COL11A1: variants seen among roughly 807,000 people sequenced by gnomAD.
COL11A1 encodes collagen alpha-1(XI) chain.
In COL11A1, 74 loss-of-function variants were observed where a neutral mutation model predicts 265.2. The ratio of observed to expected loss-of-function variants is 0.28; its 90% CI spans 0.23 to 0.34. The LOEUF (loss-of-function observed/expected upper bound fraction) is 0.34. Among genes scored for constraint, COL11A1 ranks in the 10% least tolerant of loss-of-function variants. The pLI is 1.00. For missense variants in COL11A1, 2,165 were observed against 2,263.6 expected (o/e 0.96, Z 0.88); for synonymous variants, 816 against 727.6 (o/e 1.12, Z -1.96).
chr1:103,032,355 T>G (rs1668054128), intron 4 of COL11A1, among the ~76,000 whole-genome samples: 1 of 152,148 alleles, frequency 6.6e-6, no homozygotes, highest in African/African-American at 2.4e-5. Context: ...TAATTCATTC[T>G]ACATTTATAC....
chr1:103,081,992 A>T lies in COL11A1; in HGVS notation c.274+813T>A, dbSNP rs78508098. ...ATCAATAGATAACTGGTATGTATCA[A>T]ATGGAGGCAAGCACAGTTAACAAGT... On this transcript the variant is annotated intron_variant, in intron 2 of 66. Transcript: ENST00000370096. Among the ~76,000 whole-genome samples the T allele has an allele frequency of 5.2e-3, 791 of 152,132 alleles. 2 individuals are homozygous for T. The highest frequency in any genetic ancestry group is 8.1e-3 in the Non-Finnish European group (551 of 67,896).
chr1:103,075,608 T>A (rs1571222428), intron 3 of COL11A1, among the ~76,000 whole-genome samples: 2 of 152,294 alleles, frequency 1.3e-5, no homozygotes, highest in East Asian at 3.9e-4. Flanking sequence ...ATGGTGGGTT[T>A]TATTAACAAT....
intron 15 of COL11A1, among the ~76,000 whole-genome samples, chr1:103,008,227 C>T (rs111972702): frequency 1.3e-5 from 2 of 152,078 alleles, no homozygotes; most frequent in Non-Finnish European, 2.9e-5. Flanking sequence ...GCTGCATTTT[C>T]CATCCTTTTA....
At chr1:102,939,003 A>C (rs768463438) in intron 44 of COL11A1, 32 bp downstream of exon 44, 48 of 1,596,050 alleles carry the variant, frequency 3.0e-5, no homozygotes, top group Non-Finnish European at 3.9e-5. Flanking sequence ...TTAAATAAAT[A>C]ATGTTCTCTC....
intron 41 of COL11A1, among the ~76,000 whole-genome samples, chr1:102,951,290 C>T (rs1405093767): frequency 6.6e-6 from 1 of 152,184 alleles, no homozygotes; most frequent in Non-Finnish European, 1.5e-5. Context: ...TAGTAAATAT[C>T]TCCATGTCTC....
chr1:102,924,940 A>T (rs1200684354), intron 46 of COL11A1, among the ~76,000 whole-genome samples: 1 of 151,930 alleles, frequency 6.6e-6, no homozygotes, highest in Non-Finnish European at 1.5e-5. Context: ...ATATTGTAGG[A>T]TTATGGATTT....
chr1:102,979,340 A>G (rs1662813334), intron 32 of COL11A1, 42 bp downstream of exon 32: 2 of 1,468,878 alleles, frequency 1.4e-6, no homozygotes, highest in African/African-American at 1.4e-5. Context: ...TCCAGCTAAG[A>G]ACACTTATAT....
intron 17 of COL11A1, 78 bp downstream of exon 17, chr1:103,005,990 A>G: frequency 6.2e-7 from 1 of 1,611,650 alleles, no homozygotes. Flanking sequence ...TCAGATTCAG[A>G]AAATGGATTT....
At chr1:102,920,652 A>G (rs1655880909) in intron 48 of COL11A1, among the ~76,000 whole-genome samples, 1 of 152,178 alleles carries the variant, frequency 6.6e-6, no homozygotes, top group Admixed American at 6.5e-5. Flanking sequence ...TTGCCAATAG[A>G]ATAGTCAGAT....
At chr1:102,890,602 T>C in intron 57 of COL11A1, 98 bp from the exon 58 acceptor site, 2 of 970,150 alleles carry the variant, frequency 2.1e-6, no homozygotes, top group Admixed American at 2.9e-5. Context: ...GTTTTGAAAA[T>C]ACGGAGTTGA....
At chr1:103,035,559 A>G (rs1399853993) in intron 4 of COL11A1, among the ~76,000 whole-genome samples, 2 of 152,030 alleles carry the variant, frequency 1.3e-5, no homozygotes, top group Non-Finnish European at 2.9e-5. Flanking sequence ...ATTTTATTTA[A>G]TCGTTTTTAA....
At chr1:103,074,256 C>T (rs954280671) in intron 4 of COL11A1, among the ~76,000 whole-genome samples, 1 of 151,910 alleles carries the variant, frequency 6.6e-6, no homozygotes, top group Admixed American at 6.6e-5. Flanking sequence ...ATATGACTTG[C>T]GCATCTCTCT....
In COL11A1 at chr1:103,003,254, C is replaced by G; in HGVS notation, c.1959G>C (p.Leu653Phe). The change falls in exon 21 of 67, where the codon TTG becomes TTC. Residue 653 changes from leucine (L) to phenylalanine (F), a missense_variant. Leu to Phe is a conservative substitution (Grantham distance 22). Coordinates refer to ENST00000370096, the MANE Select transcript of COL11A1 (RefSeq NM_001854.4). ...CTCCTGGAGTTCCCCTTGGACCCAGCAAACCTCGTGGGCCCTAGGAGAAAA... is the reference window on the plus strand; with the variant it reads ...CTCCTGGAGTTCCCCTTGGACCCAGGAAACCTCGTGGGCCCTAGGAGAAAA... ...GLPGEAGPRG[L>F]LGPRGTPGAP... is the part of the protein sequence containing the mutation. The G allele has an allele frequency of 1.9e-6, 3 of 1,613,080 alleles. No individual in the cohort carries two copies. Among genetic ancestry groups the G allele is most frequent in the Non-Finnish European group, 2.5e-6 (3 of 1,179,776 alleles).
At chr1:103,021,846 T>TTTC (rs1667105512) in intron 8 of COL11A1, 77 bp from the exon 9 acceptor site, 1 of 1,144,578 alleles carries the variant, frequency 8.7e-7, no homozygotes, top group South Asian at 1.3e-5. Context: ...TTCTTTTTTT[T>TTTC]TTTCTTTCTT....
At chr1:102,914,635 T>C in intron 51 of COL11A1, 69 bp downstream of exon 51, 3 of 1,241,618 alleles carry the variant, frequency 2.4e-6, no homozygotes, top group South Asian at 1.3e-5. Flanking sequence ...GGATTTCAAA[T>C]CTTTCTAAGA....
At position 103,022,875 on chromosome 1, in the gene COL11A1, T is replaced by C. The variant is rs1667212685; in HGVS notation, c.1112A>G (p.Asp371Gly). ...GCCTAAATCTCCATCTACCAGAAGA[T>C]CAGAATCCCTGCCGTCTATTTCTTT... ...ENKEIDGRDS[D>G]LLVDGDLGEY... The change falls in exon 8 of 67, where the codon GAT becomes GGT. Residue 371 changes from aspartate to glycine, a missense_variant. Physicochemically the swap from Asp to Gly is moderately conservative, Grantham distance 94. Coordinates refer to ENST00000370096, the MANE Select transcript of COL11A1 (RefSeq NM_001854.4). The C allele has an allele frequency of 6.2e-7, 1 of 1,613,980 alleles. No homozygotes were observed. Among genetic ancestry groups the C allele is most frequent in the Non-Finnish European group, 8.5e-7 (1 of 1,179,962 alleles).
chr1:102,883,268 G>T lies in COL11A1; in HGVS notation c.4902C>A (p.Ser1634=). The T allele has an allele frequency of 6.2e-7, 1 of 1,613,548 alleles. No individual in the cohort carries two copies. The highest frequency in any genetic ancestry group is 1.1e-5 in the South Asian group (1 of 91,078). The change falls in exon 64 of 67, where the codon TCC becomes TCA. Residue 1634 remains serine, a synonymous_variant. Coordinates refer to ENST00000370096, the MANE Select transcript of COL11A1 (RefSeq NM_001854.4). ...IDPNQGCSGD[S]FKVYCNFTSG... ...ATGTGAAATTACAGTAAACTTTGAAGGAATCTCCTGAGCAACCTTGGTTAG... is the reference window on the plus strand; with the variant it reads ...ATGTGAAATTACAGTAAACTTTGAATGAATCTCCTGAGCAACCTTGGTTAG...
intron 49 of COL11A1, 83 bp downstream of exon 49, chr1:102,920,228 C>G (rs573624795): frequency 8.2e-7 from 1 of 1,213,320 alleles, no homozygotes; most frequent in Admixed American, 1.7e-5. Context: ...AACACACATA[C>G]TAGAAGCACT....
intron 5 of COL11A1, among the ~76,000 whole-genome samples, chr1:103,030,004 G>A (rs1013403420): frequency 5.3e-5 from 8 of 151,898 alleles, no homozygotes; most frequent in African/African-American, 1.9e-4. Context: ...TACAGTAAAT[G>A]CTATAAATTT....
Sources: gnomAD v4.1 joint callset for allele counts (sites outside exome capture counted in the v4.1 genomes callset) on GRCh38, gnomAD v4.1.1 for gene constraint, MANE v1.5 for transcripts, NCBI Gene and HGNC (gene_info 2026-07-23, HGNC 2026-07-21) for gene names.